Variants in GUCA1C observed in about 807,000 individuals in gnomAD.
GUCA1C encodes guanylate cyclase activator 1C.
Under a neutral mutation model 16.2 loss-of-function variants are expected in GUCA1C, and 15 were observed. The ratio of observed to expected loss-of-function variants is 0.93; its 90% confidence interval spans 0.62 to 1.43. The LOEUF is 1.43. GUCA1C is among the 40% of genes most tolerant of loss of function. GUCA1C has a pLI of 0.00. For synonymous variants in GUCA1C, 78 were observed against 85.4 expected, an observed-to-expected ratio of 0.91 and a Z score of 0.48; for missense variants, 275 against 244.8, an observed-to-expected ratio of 1.12 and a Z score of -0.82.
At chr3:108,910,952 C>A (rs948030969) in intron 3 of GUCA1C, among the ~76,000 whole-genome samples, 7 of 152,064 alleles carry the variant, frequency 4.6e-5, no homozygotes, top group Non-Finnish European at 1.0e-4. Flanking sequence ...ACCCGGCCGA[C>A]ACATTTCAAT....
chr3:108,913,359 G>A (rs1270026647), intron 3 of GUCA1C, among the ~76,000 whole-genome samples: 3 of 151,852 alleles, frequency 2.0e-5, no homozygotes, highest in Non-Finnish European at 2.9e-5. Flanking sequence ...TATATTTGAG[G>A]TATACAGAGT....
chr3:108,954,006 GT>G, upstream of GUCA1C: 1 of 495,806 alleles, frequency 2.0e-6, no homozygotes, highest in Non-Finnish European at 3.6e-6. Context: ...CAGAGACATA[GT>G]TTTTTGTGAA....
chr3:108,936,911 T>A (rs1946732823), intron 1 of GUCA1C, among the ~76,000 whole-genome samples: 1 of 152,184 alleles, frequency 6.6e-6, no homozygotes, highest in South Asian at 2.1e-4. Flanking sequence ...TTCAGTGCCA[T>A]CTGGCTCATT....
chr3:108,920,726 T>C, intron 1 of GUCA1C, 141 bp from the exon 2 acceptor site: 1 of 567,880 alleles, frequency 1.8e-6, no homozygotes, highest in Non-Finnish European at 3.1e-6. Context: ...TTTTCCCTAG[T>C]GTTTCATTTA....
intron 1 of GUCA1C, among the ~76,000 whole-genome samples, chr3:108,947,379 CT>C (rs1208240755): frequency 6.6e-6 from 1 of 152,088 alleles, no homozygotes; most frequent in Non-Finnish European, 1.5e-5. Flanking sequence ...GTTGGTTTTG[CT>C]GTCTCAGGGG....
intron 1 of GUCA1C, among the ~76,000 whole-genome samples, chr3:108,943,295 C>T (rs546872120): frequency 3.3e-5 from 5 of 152,206 alleles, no homozygotes; most frequent in Admixed American, 2.0e-4. Flanking sequence ...AGAAACACCA[C>T]GTTTGGCAAT....
In GUCA1C at chr3:108,908,010, G is replaced by T. The variant is rs200874514; in HGVS notation, c.*12C>A. Reference sequence around the variant, plus strand: ...TTGTGCTCATTGATAGCTGGGACAGGTATTCTCACAGCTACTTCATTTTCA... The same window carrying T: ...TTGTGCTCATTGATAGCTGGGACAGTTATTCTCACAGCTACTTCATTTTCA... On this transcript the variant is annotated 3_prime_UTR_variant, in exon 4 of 4. Transcript: ENST00000261047. 10 of 1,590,820 alleles carry T rather than the reference G, an allele frequency of 6.3e-6. No homozygotes were observed. Among genetic ancestry groups the T allele is most frequent in the Non-Finnish European group, 8.6e-6 (10 of 1,161,714 alleles).
In GUCA1C at chr3:108,951,974, T is replaced by A. The variant is rs115553473; in HGVS notation, c.204+1585A>T. On this transcript the variant is annotated intron_variant, in intron 1 of 3. Coordinates refer to ENST00000261047, the MANE Select transcript of GUCA1C (RefSeq NM_005459.4). ...GCATGTGAACCACTGACATGTACAA[T>A]GCGTTCACAAATACTGGGCTAGCAA... Among the ~76,000 whole-genome samples, 1,111 of 152,316 alleles carry A rather than the reference T, an allele frequency of 7.3e-3. 13 individuals carry two copies. The highest frequency in any genetic ancestry group is 0.025 in the African/African-American group (1,037 of 41,568).
At chr3:108,919,950 T>C (rs771061055) in intron 2 of GUCA1C, among the ~76,000 whole-genome samples, 6 of 152,152 alleles carry the variant, frequency 3.9e-5, no homozygotes, top group Non-Finnish European at 7.4e-5. Context: ...GGTGGTACAG[T>C]GGCTTATAAA....
At chr3:108,917,593 G>A (rs968451317) in intron 2 of GUCA1C, among the ~76,000 whole-genome samples, 1 of 152,108 alleles carries the variant, frequency 6.6e-6, no homozygotes, top group Admixed American at 6.5e-5. Flanking sequence ...GGACGCAGGA[G>A]AGAAAGGGAA....
intron 3 of GUCA1C, among the ~76,000 whole-genome samples, chr3:108,911,048 A>C (rs1410236389): frequency 6.6e-6 from 1 of 152,164 alleles, no homozygotes; most frequent in Non-Finnish European, 1.5e-5. Context: ...GTTTAGGGCT[A>C]TTTGTTGTAT....
At chr3:108,949,656 T>C (rs1247428183) in intron 1 of GUCA1C, among the ~76,000 whole-genome samples, 9 of 152,180 alleles carry the variant, frequency 5.9e-5, no homozygotes, top group African/African-American at 1.7e-4. Context: ...TCCATTACCA[T>C]TGTGACGGTT....
chr3:108,928,084 G>A (rs1282818262), intron 1 of GUCA1C, among the ~76,000 whole-genome samples: 2 of 152,212 alleles, frequency 1.3e-5, no homozygotes, highest in African/African-American at 4.8e-5. Flanking sequence ...TTGCAGTCGT[G>A]GATACCACCA....
In GUCA1C at chr3:108,951,729, A is replaced by G. The variant is rs188462338; in HGVS notation, c.204+1830T>C. On this transcript the variant is annotated intron_variant, in intron 1 of 3. Coordinates refer to ENST00000261047, the MANE Select transcript of GUCA1C (RefSeq NM_005459.4). The stretch of plus-strand genomic sequence containing the variant: ...AGGCTCACTTCCTTCCTAAGCAAAC[A>G]TAAAATCTCTTTGATGAATAGCAGC... Among the ~76,000 whole-genome samples, 329 of 152,316 alleles carry G rather than the reference A, an allele frequency of 2.2e-3. 1 individual carries two copies. Among genetic ancestry groups the G allele is most frequent in the African/African-American group, 7.6e-3 (314 of 41,564 alleles).
chr3:108,950,709 C>T (rs1946888477), intron 1 of GUCA1C, among the ~76,000 whole-genome samples: 1 of 151,978 alleles, frequency 6.6e-6, no homozygotes, highest in Non-Finnish European at 1.5e-5. Flanking sequence ...GAATACAATC[C>T]AAAGCCAGGT....
chr3:108,943,052 G>A lies in GUCA1C; in HGVS notation c.204+10507C>T, dbSNP rs544707578. On this transcript the variant is annotated intron_variant, in intron 1 of 3. Transcript: ENST00000261047. ...TCATTCTTAGCTCTCAAGTTTCAAA[G>A]GTTGAAGCCATTTAGGATTCAGAGC... is the stretch of plus-strand genomic sequence containing the variant. 9.2e-5 allele frequency among the ~76,000 whole-genome samples: 14 copies of A among 152,232 alleles called. No individual in the cohort carries two copies. The East Asian group carries it at 2.1e-3, about 23-fold the overall frequency.
At chr3:108,943,507 C>A (rs1194942672) in intron 1 of GUCA1C, among the ~76,000 whole-genome samples, 2 of 152,136 alleles carry the variant, frequency 1.3e-5, no homozygotes, top group African/African-American at 2.4e-5. Flanking sequence ...CAGCCCTCTG[C>A]ATGAATCAGG....
At chr3:108,926,781 G>GT (rs34081494) in intron 1 of GUCA1C, among the ~76,000 whole-genome samples, 4,785 of 144,116 alleles carry the variant, frequency 0.033, 84 homozygotes, top group Middle Eastern at 0.12. Context: ...TGCCCGGCCT[G>GT]TTTTTTTTTT....
intron 1 of GUCA1C, among the ~76,000 whole-genome samples, chr3:108,952,623 T>C (rs1946906053): frequency 6.6e-6 from 1 of 152,076 alleles, no homozygotes; most frequent in Non-Finnish European, 1.5e-5. Context: ...CTACACATCC[T>C]ATCAAACAAC....
Sources: allele counts gnomAD v4.1 joint callset (sites outside exome capture counted in the v4.1 genomes callset), GRCh38; gene constraint gnomAD v4.1.1; transcripts MANE v1.5; gene names NCBI Gene and HGNC (gene_info 2026-07-23, HGNC 2026-07-21).